The following RECK variants were observed in gnomAD, a reference collection of about 807,000 sequenced individuals.
The protein encoded by RECK is reversion-inducing cysteine-rich protein with Kazal motifs.
RECK carries 69 observed loss-of-function variants against 115.1 expected under a neutral mutation model. The ratio of observed to expected loss-of-function variants is 0.60; its 90% CI spans 0.49 to 0.73. The LOEUF (loss-of-function observed/expected upper bound fraction) is 0.73. Ranked by LOEUF, RECK falls within the 30% of genes least tolerant of loss-of-function variation. The probability of loss-of-function intolerance (pLI) is 0.00; values close to 1 mark genes in which losing one functional copy is unlikely to be tolerated. For missense variants in RECK, 1,047 were observed against 1,203.7 expected (o/e 0.87, Z 1.93); for synonymous variants, 414 against 419.7 (o/e 0.99, Z 0.17).
intron 6 of RECK, among the ~76,000 whole-genome samples, chr9:36,069,480 CAAAA>C (rs60192603): frequency 3.5e-5 from 3 of 84,926 alleles, no homozygotes; most frequent in African/African-American, 3.2e-5. Flanking sequence ...GTGGAGGTTG[CAAAA>C]AAAAAAAAAA....
At chr9:36,052,217 T>A (rs1164408457) in intron 1 of RECK, 48 bp from the exon 2 acceptor site, 2 of 1,128,854 alleles carry the variant, frequency 1.8e-6, no homozygotes, top group Non-Finnish European at 2.7e-6. Context: ...AGCTTAGTCA[T>A]CTTGTTTAAC....
chr9:36,070,008 A>G (rs1201010942), intron 6 of RECK, among the ~76,000 whole-genome samples: 1 of 152,204 alleles, frequency 6.6e-6, no homozygotes, highest in Non-Finnish European at 1.5e-5. Context: ...AGGTATTTCA[A>G]GAAAGGCAAA....
At chr9:36,073,408 C>T (rs1822325418) in intron 6 of RECK, among the ~76,000 whole-genome samples, 1 of 152,126 alleles carries the variant, frequency 6.6e-6, no homozygotes, top group Admixed American at 6.6e-5. Flanking sequence ...TCATCACCTC[C>T]TGCAAATTAC....
At chr9:36,048,416 CT>C (rs1409935429) in intron 1 of RECK, among the ~76,000 whole-genome samples, 1 of 151,976 alleles carries the variant, frequency 6.6e-6, no homozygotes, top group Non-Finnish European at 1.5e-5. Flanking sequence ...ATTTCTTTCT[CT>C]AAGTTGATGA....
At chr9:36,075,925 G>A in intron 6 of RECK, among the ~76,000 whole-genome samples, 1 of 152,236 alleles carries the variant, frequency 6.6e-6, no homozygotes, top group Middle Eastern at 3.4e-3. Context: ...AGATTCATAT[G>A]ATCAGTGTTT....
At chr9:36,088,746 C>T (rs1353439667) in intron 9 of RECK, among the ~76,000 whole-genome samples, 3 of 152,192 alleles carry the variant, frequency 2.0e-5, no homozygotes, top group African/African-American at 4.8e-5. Context: ...AGGTCGGGCG[C>T]GGTGGCTCAT....
intron 14 of RECK, among the ~76,000 whole-genome samples, 192 bp downstream of exon 14, chr9:36,108,356 T>G (rs1037764029): frequency 2.0e-5 from 3 of 152,174 alleles, no homozygotes; most frequent in African/African-American, 7.2e-5. Context: ...AAGGGGCTAA[T>G]GGCTAATAAT....
chr9:36,058,905 A>G lies in RECK; in HGVS notation c.234+4A>G. 3 of 1,520,578 alleles carry G rather than the reference A, an allele frequency of 2.0e-6. No homozygotes were observed. Among genetic ancestry groups the G allele is most frequent in the Non-Finnish European group, 2.7e-6 (3 of 1,125,808 alleles). 94.2% of individuals were successfully genotyped at this position (1,520,578 alleles called of 1,614,324 possible). A position where few individuals can be genotyped will look rare whatever the true frequency, so the allele number is the denominator to read the frequency against. ...AGATTATTGCCCAGAGACAATGGTA[A>G]GTCTTATTGTAACTTAACTGTAGAA... On this transcript the variant is annotated splice_donor_region_variant and intron_variant, in intron 3 of 20. Coordinates refer to ENST00000377966, the MANE Select transcript of RECK (RefSeq NM_021111.3).
intron 1 of RECK, among the ~76,000 whole-genome samples, chr9:36,039,918 C>G (rs1236661775): frequency 6.6e-6 from 1 of 152,164 alleles, no homozygotes; most frequent in East Asian, 1.9e-4. Flanking sequence ...TGGTATGCAG[C>G]TGAAAGTTTC....
At chr9:36,082,152 T>TTCTCTCTCTCTCTTTCTC (rs373078886) in intron 7 of RECK, among the ~76,000 whole-genome samples, 163 of 113,702 alleles carry the variant, frequency 1.4e-3, no homozygotes, top group African/African-American at 5.0e-3. Flanking sequence ...CCTCCCTGCT[T>TTCTCTCTCTCTCTTTCTC]TCTCTCTCTC....
chr9:36,077,674 T>C (rs1426729953), intron 6 of RECK, among the ~76,000 whole-genome samples: 1 of 152,148 alleles, frequency 6.6e-6, no homozygotes, highest in Admixed American at 6.5e-5. Context: ...GTTCAACAAA[T>C]TCAGGTAAAC....
At chr9:36,090,650 T>C (rs1823123416) in intron 9 of RECK, among the ~76,000 whole-genome samples, 1 of 152,198 alleles carries the variant, frequency 6.6e-6, no homozygotes, top group Admixed American at 6.5e-5. Flanking sequence ...ATAGAGGCTT[T>C]GGAATATCTT....
intron 12 of RECK, among the ~76,000 whole-genome samples, chr9:36,102,928 G>A (rs1453807708): frequency 6.6e-6 from 1 of 150,786 alleles, no homozygotes; most frequent in Non-Finnish European, 1.5e-5. Context: ...TGTACTCCAG[G>A]CTGGGCAACA....
rs959671952 is a variant in RECK, at chr9:36,075,541, C to G, written c.406-5064C>G. 1.5e-4 allele frequency among the ~76,000 whole-genome samples: 23 copies of G among 152,252 alleles called. 1 individual carries two copies. The highest frequency in any genetic ancestry group is 1.2e-3 in the Admixed American group (19 of 15,292). On this transcript the variant is annotated intron_variant, in intron 6 of 20. Transcript: ENST00000377966. ...CATTAAACTCCTTACATATTCTAGT[C>G]ATCTATACTTTTTGACATTCATGGT...
At chr9:36,104,310 A>G (rs1564130786) in intron 12 of RECK, among the ~76,000 whole-genome samples, 25 of 59,100 alleles carry the variant, frequency 4.2e-4, no homozygotes, top group African/African-American at 9.2e-4. Flanking sequence ...ATATATATAT[A>G]TATATATATA....
Position 36,112,401 on chromosome 9 carries a change from A to G in RECK, c.1985A>G (p.Gln662Arg). The G allele has an allele frequency of 6.2e-7, 1 of 1,614,128 alleles. No individual in the cohort carries two copies. Among genetic ancestry groups the G allele is most frequent in the Non-Finnish European group, 8.5e-7 (1 of 1,180,044 alleles). ...SACIARCVGLQDHQFEFGSCM... is the reference protein window; with the variant it reads ...SACIARCVGLRDHQFEFGSCM... ...TGCATTGCTCGCTGTGTGGGCCTCC[A>G]AGACCATCAGTTTGAGTTTGGATCA... The change falls in exon 16 of 21, where the codon CAA becomes CGA. Residue 662 changes from glutamine to arginine, a missense_variant. Coordinates refer to ENST00000377966, the MANE Select transcript of RECK (RefSeq NM_021111.3).
chr9:36,117,311 C>CTTTTT, intron 17 of RECK, 134 bp downstream of exon 17: 3 of 657,730 alleles, frequency 4.6e-6, no homozygotes, highest in Non-Finnish European at 7.4e-6. Context: ...CCCAGTCCTC[C>CTTTTT]ACTAAAAAGG....
chr9:36,037,525 C>G (rs1410641284), intron 1 of RECK, among the ~76,000 whole-genome samples: 1 of 151,924 alleles, frequency 6.6e-6, no homozygotes, highest in Non-Finnish European at 1.5e-5. Flanking sequence ...TGGTTCATAA[C>G]GACCTTGGTG....
chr9:36,058,837 C>CA lies in RECK; in HGVS notation c.175dup (p.Ser59LysfsTer2). ...TTTTTTGTCAAATAGATTTTCTCCT[C>CA]AAAAAGTGAATCCCGACTAAAACAT... On this transcript the variant is annotated frameshift_variant, in exon 3 of 21. Transcript: ENST00000377966. LOFTEE classifies it high-confidence loss of function. 6.3e-7 allele frequency: 1 copy of CA among 1,582,720 alleles called. No homozygotes were observed. The highest frequency in any genetic ancestry group is 2.3e-5 in the East Asian group (1 of 43,142).
Sources: gnomAD v4.1 joint callset for allele counts (sites outside exome capture counted in the v4.1 genomes callset) on GRCh38, gnomAD v4.1.1 for gene constraint, MANE v1.5 for transcripts, NCBI Gene and HGNC (gene_info 2026-07-23, HGNC 2026-07-21) for gene names.